CD36: variants seen among roughly 807,000 people sequenced by gnomAD.
The protein encoded by CD36 is CD36 molecule (CD36 blood group).
CD36 carries 119 observed loss-of-function variants against 55.2 expected under a neutral mutation model. The ratio of observed to expected loss-of-function variants is 2.15; its 90% CI spans 1.86 to 2.51. The LOEUF is 2.51. CD36 is among the 30% of genes most tolerant of loss of function. The pLI, the probability that CD36 is intolerant of heterozygous loss-of-function variation, is 0.00. For synonymous variants in CD36, 186 were observed against 193.6 expected (o/e 0.96, Z 0.33); for missense variants, 819 against 555.5 (o/e 1.47, Z -4.77).
intron 1 of CD36, among the ~76,000 whole-genome samples, chr7:80,642,218 C>G (rs77725362): frequency 6.6e-6 from 1 of 151,902 alleles, no homozygotes; most frequent in Non-Finnish European, 1.5e-5. Context: ...AAATTATTAC[C>G]GATACAGTAT....
intron 14 of CD36, chr7:80,676,041 C>A (rs1235905494): frequency 6.6e-6 from 1 of 152,084 alleles, no homozygotes; most frequent in Admixed American, 6.6e-5. Context: ...GAACTTCTCT[C>A]TGCAGCTAGA....
chr7:80,620,869 T>C (rs192970489), intron 1 of CD36, among the ~76,000 whole-genome samples: 1 of 152,290 alleles, frequency 6.6e-6, no homozygotes, highest in Admixed American at 6.5e-5. Flanking sequence ...AACAAAGAAT[T>C]TATAATATTA....
At chr7:80,640,852 C>G (rs1218822209) in intron 1 of CD36, among the ~76,000 whole-genome samples, 1 of 152,012 alleles carries the variant, frequency 6.6e-6, no homozygotes, top group Non-Finnish European at 1.5e-5. Flanking sequence ...AAACAAGTTA[C>G]AAATTGCAAT....
chr7:80,674,207 A>G (rs1235370143), intron 14 of CD36, 60 bp downstream of exon 14: 1 of 1,234,878 alleles, frequency 8.1e-7, no homozygotes, highest in Non-Finnish European at 1.2e-6. Context: ...ACTTGTTTTC[A>G]CTTTATCAAA....
chr7:80,627,640 C>T (rs1479637512), intron 1 of CD36, among the ~76,000 whole-genome samples: 2 of 151,986 alleles, frequency 1.3e-5, no homozygotes, highest in Non-Finnish European at 2.9e-5. Flanking sequence ...TACAAATATT[C>T]AGAAGACTTG....
intron 1 of CD36, among the ~76,000 whole-genome samples, chr7:80,618,497 G>A (rs1171884125): frequency 6.6e-6 from 1 of 152,146 alleles, no homozygotes; most frequent in Non-Finnish European, 1.5e-5. Flanking sequence ...ATGAAACCTA[G>A]GCCTCTGACA....
intron 1 of CD36, among the ~76,000 whole-genome samples, chr7:80,632,225 G>T (rs1794112130): frequency 6.6e-6 from 1 of 150,870 alleles, no homozygotes; most frequent in African/African-American, 2.4e-5. Context: ...AAATAATTCT[G>T]TGAAGTCTCA....
At chr7:80,674,270 C>A in intron 14 of CD36, 123 bp downstream of exon 14, 1 of 683,606 alleles carries the variant, frequency 1.5e-6, no homozygotes, top group South Asian at 1.7e-5. Flanking sequence ...AGCCACTGAT[C>A]ATTTTTAAAT....
At chr7:80,666,514 TCA>T (rs1562815535) in intron 8 of CD36, 25 bp downstream of exon 8, 1 of 1,561,926 alleles carries the variant, frequency 6.4e-7, no homozygotes, top group South Asian at 1.1e-5. Context: ...TTTGTGGTCA[TCA>T]CAGTTAATCC....
At chr7:80,673,802 G>A (rs1046832591) in intron 13 of CD36, 181 bp from the exon 14 acceptor site, 29 of 641,238 alleles carry the variant, frequency 4.5e-5, no homozygotes, top group Non-Finnish European at 7.0e-5. Flanking sequence ...GAAGAGTACC[G>A]TACTCTATCT....
In CD36 at chr7:80,666,605, C is replaced by A. The variant is rs1027598926; in HGVS notation, c.748+116C>A. 15 of 777,970 alleles carry A rather than the reference C, an allele frequency of 1.9e-5. No homozygotes were observed. The South Asian group carries it at 2.0e-4, about 10-fold the overall frequency. The allele number at this position is 777,970 out of a possible 1,614,324, so 48.2% of individuals were successfully genotyped here. On this transcript the variant is annotated intron_variant, in intron 8 of 14. Coordinates refer to ENST00000447544, the MANE Select transcript of CD36 (RefSeq NM_001001548.3). ...GGTGTGTGTTTACTTGCCTTTATATCCCCACAACAAAATTCAGAGTCACTA... is the reference window on the plus strand; with the variant it reads ...GGTGTGTGTTTACTTGCCTTTATATACCCACAACAAAATTCAGAGTCACTA...
At chr7:80,631,281 T>C (rs1179483025) in intron 1 of CD36, among the ~76,000 whole-genome samples, 1 of 152,028 alleles carries the variant, frequency 6.6e-6, no homozygotes, top group Non-Finnish European at 1.5e-5. Flanking sequence ...ACAATGAGGA[T>C]GATAGACACT....
At chr7:80,655,837 C>T (rs1425779776) in intron 3 of CD36, among the ~76,000 whole-genome samples, 1 of 151,292 alleles carries the variant, frequency 6.6e-6, no homozygotes, top group Non-Finnish European at 1.5e-5. Flanking sequence ...GAGAGGATCA[C>T]TTGAGCCTGG....
intron 3 of CD36, among the ~76,000 whole-genome samples, chr7:80,654,604 T>G (rs774847159): frequency 3.9e-5 from 6 of 152,128 alleles, no homozygotes; most frequent in Non-Finnish European, 8.8e-5. Flanking sequence ...GTCTTAATAT[T>G]AGACTTAGTA....
intron 1 of CD36, among the ~76,000 whole-genome samples, chr7:80,632,355 C>T (rs1284806409): frequency 6.6e-6 from 1 of 151,714 alleles, no homozygotes; most frequent in Non-Finnish European, 1.5e-5. Flanking sequence ...AGAAACTTCA[C>T]CCCACAAGCT....
At chr7:80,631,402 C>T (rs1225137619) in intron 1 of CD36, among the ~76,000 whole-genome samples, 1 of 152,046 alleles carries the variant, frequency 6.6e-6, no homozygotes, top group Non-Finnish European at 1.5e-5. Context: ...TCCATTGTAA[C>T]TGCTCCATAA....
intron 3 of CD36, among the ~76,000 whole-genome samples, chr7:80,649,600 A>G (rs187363612): frequency 6.6e-6 from 1 of 152,200 alleles, no homozygotes; most frequent in Admixed American, 6.5e-5. Context: ...TTATTGATAG[A>G]AGGTATGTAT....
chr7:80,635,166 T>C (rs1226495145), upstream of CD36, among the ~76,000 whole-genome samples: 3 of 152,178 alleles, frequency 2.0e-5, no homozygotes, highest in Non-Finnish European at 2.9e-5. Flanking sequence ...TTGAGGCCTC[T>C]CATTGTACAC....
At chr7:80,670,723 T>C (rs555822750) in intron 9 of CD36, 2 of 482,932 alleles carry the variant, frequency 4.1e-6, no homozygotes, top group East Asian at 7.6e-5. Flanking sequence ...AAATATTTAC[T>C]CTATTGGATA....
Sources: gnomAD v4.1 joint callset for allele counts (sites outside exome capture counted in the v4.1 genomes callset) on GRCh38, gnomAD v4.1.1 for gene constraint, MANE v1.5 for transcripts, NCBI Gene and HGNC (gene_info 2026-07-23, HGNC 2026-07-21) for gene names.